Variants in SULF2 observed in about 807,000 individuals in gnomAD.
SULF2 encodes the protein extracellular sulfatase Sulf-2.
A neutral mutation model predicts 107.7 loss-of-function variants in SULF2; 52 were observed. The observed-to-expected ratio is 0.48, with a 90% CI of 0.39 to 0.61. The LOEUF (loss-of-function observed/expected upper bound fraction) is 0.61, where lower values mean the gene tolerates loss of function less well. Among genes scored for constraint, SULF2 ranks in the 20% least tolerant of loss-of-function variants. SULF2 has a pLI of 0.00. For synonymous variants in SULF2, 460 were observed against 464.3 expected, an observed-to-expected ratio of 0.99 and a Z score of 0.12; for missense variants, 993 against 1,177.3, an observed-to-expected ratio of 0.84 and a Z score of 2.29.
rs143440459 is a variant in SULF2, at chr20:47,657,888, T to C, written c.*474A>G. ...CATTGTCAAACGTCTCTGCACTGTT[T>C]TCAGCCTCTCCACGTTGCCTCTGTC... On this transcript the variant is annotated 3_prime_UTR_variant, in exon 21 of 21. Transcript: ENST00000688720. The C allele has an allele frequency of 5.4e-6, 1 of 185,670 alleles. No homozygotes were observed. Among genetic ancestry groups the C allele is most frequent in the East Asian group, 1.4e-4 (1 of 7,254 alleles). The allele number at this position is 185,670 out of a possible 1,614,324, so 11.5% of individuals were successfully genotyped here. A position where few individuals can be genotyped will look rare whatever the true frequency, so the allele number is the denominator to read the frequency against.
intron 11 of SULF2, among the ~76,000 whole-genome samples, chr20:47,668,798 C>T (rs547504248): frequency 5.9e-5 from 9 of 152,118 alleles, no homozygotes; most frequent in African/African-American, 1.9e-4. Flanking sequence ...CGCCGGTGAC[C>T]GCCTGTGTGA....
chr20:47,762,395 C>T (rs71351695), intron 1 of SULF2, among the ~76,000 whole-genome samples: 1,784 of 152,364 alleles, frequency 0.012, 14 homozygotes, highest in Non-Finnish European at 0.019. Context: ...CCAGTCTCTG[C>T]TCTGAGCTGT....
chr20:47,657,928 C>CTTCTT lies in SULF2; in HGVS notation c.*429_*433dup, dbSNP rs1372969830. The CTTCTT allele has an allele frequency of 5.0e-6, 1 of 198,818 alleles. No homozygotes were observed. The highest frequency in any genetic ancestry group is 1.0e-5 in the Non-Finnish European group (1 of 97,154). 12.3% of individuals were successfully genotyped at this position (198,818 alleles called of 1,614,324 possible). A position where few individuals can be genotyped will look rare whatever the true frequency, so the allele number is the denominator to read the frequency against. ...TTGCCTCTGTCCTGCTTCTTAGTTC[C>CTTCTT]TTCTTTGTGACAAACCAAAAGAATA... is the stretch of plus-strand genomic sequence containing the variant. On this transcript the variant is annotated 3_prime_UTR_variant, in exon 21 of 21. Transcript: ENST00000688720.
At chr20:47,760,878 A>G (rs984883884) in intron 1 of SULF2, among the ~76,000 whole-genome samples, 4 of 152,232 alleles carry the variant, frequency 2.6e-5, no homozygotes, top group Non-Finnish European at 5.9e-5. Flanking sequence ...CATGACAGCC[A>G]GAGCCACTGC....
chr20:47,771,711 G>A (rs117989897), intron 1 of SULF2, among the ~76,000 whole-genome samples: 5,827 of 152,202 alleles, frequency 0.038, 181 homozygotes, highest in Non-Finnish European at 0.061. Context: ...AGGATGGGGC[G>A]GGGGCGGGGG....
At chr20:47,714,099 C>A (rs2089025137) in intron 3 of SULF2, among the ~76,000 whole-genome samples, 1 of 152,332 alleles carries the variant, frequency 6.6e-6, no homozygotes, top group East Asian at 1.9e-4. Flanking sequence ...GAAGCAGAAG[C>A]CTGTGGAAAG....
chr20:47,784,249 C>G (rs954480513), intron 1 of SULF2, among the ~76,000 whole-genome samples: 5 of 152,154 alleles, frequency 3.3e-5, no homozygotes, highest in African/African-American at 1.2e-4. Flanking sequence ...CCAACACGCA[C>G]AGATGAGCAA....
At chr20:47,779,314 T>C (rs750748523) in intron 1 of SULF2, among the ~76,000 whole-genome samples, 1 of 152,126 alleles carries the variant, frequency 6.6e-6, no homozygotes, top group Non-Finnish European at 1.5e-5. Context: ...GTTTTCTGGG[T>C]GTCAAAATCA....
At chr20:47,716,961 G>C (rs2089141348) in intron 3 of SULF2, among the ~76,000 whole-genome samples, 1 of 152,130 alleles carries the variant, frequency 6.6e-6, no homozygotes, top group Admixed American at 6.6e-5. Context: ...AATGAGCTGT[G>C]ATTGTGCCAC....
chr20:47,744,562 T>A (rs1402414194), intron 2 of SULF2, among the ~76,000 whole-genome samples: 1 of 152,056 alleles, frequency 6.6e-6, no homozygotes, highest in African/African-American at 2.4e-5. Context: ...GCCCTGGGAT[T>A]TAGGGGAAGA....
intron 2 of SULF2, among the ~76,000 whole-genome samples, chr20:47,741,249 C>T (rs1338878403): frequency 6.6e-6 from 1 of 151,982 alleles, no homozygotes; most frequent in African/African-American, 2.4e-5. Flanking sequence ...CCTCCCTAAC[C>T]CCATCCCCCT....
Position 47,673,692 on chromosome 20 carries a change from A to G in SULF2, c.1381-1299T>C, listed in dbSNP as rs559896030. ...TCCAGCAACCTGGATTCCTTAGTGC[A>G]GAAGTAGACTGATGGGCCAGCAGGC... On this transcript the variant is annotated intron_variant, in intron 10 of 20. Transcript: ENST00000688720. 4.6e-5 allele frequency among the ~76,000 whole-genome samples: 7 copies of G among 152,364 alleles called. No homozygotes were observed. In the East Asian group the frequency reaches 9.6e-4, roughly 21 times the overall value.
chr20:47,684,659 G>C, intron 5 of SULF2, 78 bp from the exon 6 acceptor site: 1 of 1,478,820 alleles, frequency 6.8e-7, no homozygotes, highest in Non-Finnish European at 9.2e-7. Flanking sequence ...GACCCGCCCG[G>C]ATGAGCAGCC....
At chr20:47,745,669 C>T (rs538663212) in intron 2 of SULF2, among the ~76,000 whole-genome samples, 52 of 151,778 alleles carry the variant, frequency 3.4e-4, no homozygotes, top group African/African-American at 1.2e-3. Context: ...GCTGGGATTA[C>T]AGGCTCCCAC....
intron 11 of SULF2, among the ~76,000 whole-genome samples, chr20:47,671,441 T>G (rs1465226677): frequency 6.6e-6 from 1 of 151,834 alleles, no homozygotes; most frequent in Non-Finnish European, 1.5e-5. Context: ...CCCAACTAAT[T>G]TTTTGTATTT....
intron 3 of SULF2, among the ~76,000 whole-genome samples, chr20:47,728,224 C>T (rs865916888): frequency 2.0e-4 from 30 of 151,982 alleles, no homozygotes; most frequent in African/African-American, 5.8e-4. Flanking sequence ...TGTGTGCGTG[C>T]GTGCGTGCAC....
upstream of SULF2, among the ~76,000 whole-genome samples, chr20:47,785,684 G>T (rs1403832051): frequency 6.8e-6 from 1 of 146,882 alleles, no homozygotes; most frequent in African/African-American, 2.4e-5. Flanking sequence ...ACCGCCCCCC[G>T]CTCGCCTGCC....
rs2090696385 is a variant in SULF2 at position 47,774,851 on chromosome 20, T to C, written c.-101+10492A>G. 1.3e-5 allele frequency among the ~76,000 whole-genome samples: 2 copies of C among 152,184 alleles called. 1 individual carries two copies. The highest frequency in any genetic ancestry group is 4.1e-4 in the South Asian group (2 of 4,824). ...AGGTCAATCAGACTTTCTTACCATG[T>C]CCCCAACTGTCAAATAAAGTGTCAA... On this transcript the variant is annotated intron_variant, in intron 1 of 20. Transcript: ENST00000688720.
At chr20:47,701,818 C>T (rs1249416373) in intron 4 of SULF2, among the ~76,000 whole-genome samples, 1 of 152,148 alleles carries the variant, frequency 6.6e-6, no homozygotes, top group Non-Finnish European at 1.5e-5. Flanking sequence ...TCTGAATCAT[C>T]GTTATCCTCG....
Sources: gnomAD v4.1 joint callset for allele counts (sites outside exome capture counted in the v4.1 genomes callset) on GRCh38, gnomAD v4.1.1 for gene constraint, MANE v1.5 for transcripts, NCBI Gene and HGNC (gene_info 2026-07-23, HGNC 2026-07-21) for gene names.